CDYL2: variants seen among roughly 807,000 people sequenced by gnomAD.
CDYL2 encodes chromodomain Y-like protein 2.
A neutral mutation model predicts 49.4 loss-of-function variants in CDYL2; 23 were observed. The ratio of observed to expected loss-of-function variants is 0.47; its 90% CI spans 0.34 to 0.66. The LOEUF is 0.66. CDYL2 is among the 30% of genes least tolerant of loss of function. The pLI, the probability that CDYL2 is intolerant of heterozygous loss-of-function variation, is 0.01. For synonymous variants in CDYL2, 360 were observed against 268.8 expected, an observed-to-expected ratio of 1.34 and a Z score of -3.32; for missense variants, 678 against 656.4, an observed-to-expected ratio of 1.03 and a Z score of -0.36.
At chr16:80,727,294 G>C (rs541800211) in intron 1 of CDYL2, among the ~76,000 whole-genome samples, 2 of 152,330 alleles carry the variant, frequency 1.3e-5, no homozygotes, top group South Asian at 4.1e-4. Flanking sequence ...GCAAGCGCAA[G>C]GGGTCAGGGA....
At chr16:80,742,586 G>C (rs533400736) in intron 1 of CDYL2, among the ~76,000 whole-genome samples, 2 of 151,908 alleles carry the variant, frequency 1.3e-5, no homozygotes, top group African/African-American at 4.8e-5. Context: ...ATGGGTGAGT[G>C]GGTAGATAGG....
intron 2 of CDYL2, among the ~76,000 whole-genome samples, chr16:80,639,501 T>C (rs767981268): frequency 1.3e-5 from 2 of 152,142 alleles, no homozygotes; most frequent in Admixed American, 6.5e-5. Context: ...ATTCATAATA[T>C]GCAACATTAT....
upstream of CDYL2, among the ~76,000 whole-genome samples, chr16:80,804,885 CCCGG>C (rs1373124937): frequency 1.3e-5 from 2 of 151,968 alleles, no homozygotes; most frequent in African/African-American, 4.8e-5. Context: ...GCCCCGCCGG[CCCGG>C]GGTCCCCACC....
chr16:80,635,638 T>A (rs925373580), intron 2 of CDYL2, among the ~76,000 whole-genome samples: 2 of 152,118 alleles, frequency 1.3e-5, no homozygotes, highest in Non-Finnish European at 2.9e-5. Flanking sequence ...GCCCTACTGC[T>A]CAAAGTAATT....
chr16:80,636,042 A>G (rs547674678), intron 2 of CDYL2, among the ~76,000 whole-genome samples: 126 of 152,330 alleles, frequency 8.3e-4, no homozygotes, highest in African/African-American at 2.8e-3. Flanking sequence ...CCCCTTTCTT[A>G]TGCCTTATAG....
rs1056801326 is a variant in CDYL2, at chr16:80,726,163, G to C, written c.25-41034C>G. On this transcript the variant is annotated intron_variant, in intron 1 of 6. Coordinates refer to ENST00000570137, the MANE Select transcript of CDYL2 (RefSeq NM_152342.4). Reference sequence around the variant, plus strand: ...GAGGCAGGATAATGGGTTCATAGGAGTTCCGTATAAGATTCTATTTTTGCG... The same window carrying C: ...GAGGCAGGATAATGGGTTCATAGGACTTCCGTATAAGATTCTATTTTTGCG... Among the ~76,000 whole-genome samples, 11 of 152,316 alleles carry C rather than the reference G, an allele frequency of 7.2e-5. No individual in the cohort carries two copies. In the South Asian group the frequency reaches 1.0e-3, roughly 14 times the overall value.
intron 1 of CDYL2, among the ~76,000 whole-genome samples, chr16:80,697,764 G>A (rs11150306): frequency 0.53 from 79,630 of 151,652 alleles, 21,876 homozygotes; most frequent in Middle Eastern, 0.7. Context: ...CTATACAATC[G>A]TAACAAACTA....
At chr16:80,665,230 C>T (rs1249088902) in intron 2 of CDYL2, among the ~76,000 whole-genome samples, 3 of 152,278 alleles carry the variant, frequency 2.0e-5, no homozygotes, top group South Asian at 2.1e-4. Context: ...CCTGATCAAG[C>T]TCCATGCATC....
chr16:80,610,271 T>C (rs1906536426), intron 5 of CDYL2, among the ~76,000 whole-genome samples: 1 of 152,004 alleles, frequency 6.6e-6, no homozygotes, highest in South Asian at 2.1e-4. Context: ...AGAAATCCAG[T>C]GTAAAAGCAC....
intron 2 of CDYL2, among the ~76,000 whole-genome samples, chr16:80,657,591 C>G (rs118143475): frequency 6.6e-6 from 1 of 152,086 alleles, no homozygotes; most frequent in Non-Finnish European, 1.5e-5. Context: ...TAAAACTACA[C>G]TGAAATACCA....
At chr16:80,678,496 A>G (rs1032509529) in intron 2 of CDYL2, among the ~76,000 whole-genome samples, 3 of 152,174 alleles carry the variant, frequency 2.0e-5, no homozygotes, top group Admixed American at 2.0e-4. Context: ...ATGCAGCCAA[A>G]AGACACATGA....
chr16:80,620,684 A>C, intron 4 of CDYL2, 79 bp downstream of exon 4: 1 of 1,343,746 alleles, frequency 7.4e-7, no homozygotes, highest in East Asian at 2.5e-5. Flanking sequence ...TTGAAATTCG[A>C]ATTTAACTGA....
At chr16:80,673,750 G>A (rs1186076424) in intron 2 of CDYL2, among the ~76,000 whole-genome samples, 2 of 152,142 alleles carry the variant, frequency 1.3e-5, no homozygotes, top group African/African-American at 4.8e-5. Context: ...TATGAATGTG[G>A]TACCTGACAT....
At chr16:80,611,848 T>C (rs1906611550) in intron 5 of CDYL2, among the ~76,000 whole-genome samples, 1 of 152,198 alleles carries the variant, frequency 6.6e-6, no homozygotes, top group South Asian at 2.1e-4. Context: ...CAGACTTGCT[T>C]CTGGATGTTG....
chr16:80,724,598 A>G (rs1185120884), intron 1 of CDYL2, among the ~76,000 whole-genome samples: 3 of 152,218 alleles, frequency 2.0e-5, no homozygotes, highest in African/African-American at 4.8e-5. Context: ...CATGAACTAT[A>G]TCAGTGTGTA....
intron 2 of CDYL2, among the ~76,000 whole-genome samples, chr16:80,649,587 C>G (rs1908498035): frequency 1.3e-5 from 2 of 152,036 alleles, no homozygotes; most frequent in Admixed American, 6.5e-5. Flanking sequence ...CTCAAAATAC[C>G]AATAATATTC....
chr16:80,636,970 G>A (rs548483063), intron 2 of CDYL2, among the ~76,000 whole-genome samples: 7 of 152,238 alleles, frequency 4.6e-5, no homozygotes, highest in African/African-American at 1.4e-4. Flanking sequence ...GCCAAGCACC[G>A]CATATTCTCA....
intron 2 of CDYL2, among the ~76,000 whole-genome samples, chr16:80,653,187 T>A (rs537723256): frequency 6.6e-6 from 1 of 152,242 alleles, no homozygotes. Flanking sequence ...GAAATTTGGC[T>A]GGGCGCGATG....
chr16:80,800,313 C>G (rs1040545257), intron 1 of CDYL2, among the ~76,000 whole-genome samples: 4 of 152,206 alleles, frequency 2.6e-5, no homozygotes, highest in African/African-American at 9.7e-5. Context: ...ATAAAATCGT[C>G]TCTCTTAGAA....
Sources: allele counts gnomAD v4.1 joint callset (sites outside exome capture counted in the v4.1 genomes callset), GRCh38; gene constraint gnomAD v4.1.1; transcripts MANE v1.5; gene names NCBI Gene and HGNC (gene_info 2026-07-23, HGNC 2026-07-21).